Variants in ELP4 observed in about 807,000 individuals in gnomAD.
The protein encoded by ELP4 is elongator complex protein 4.
In ELP4, 51 loss-of-function variants were observed where a neutral mutation model predicts 48.9. The observed-to-expected ratio is 1.04, with a 90% CI of 0.83 to 1.32. The LOEUF is 1.32. ELP4 is among the 40% of genes most tolerant of loss of function. The probability of loss-of-function intolerance (pLI) is 0.00; values close to 1 mark genes in which losing one functional copy is unlikely to be tolerated. For synonymous variants in ELP4, 210 were observed against 189.2 expected (o/e 1.11, Z -0.90); for missense variants, 519 against 514.6 (o/e 1.01, Z -0.08).
At chr11:31,751,400 G>GA (rs1208197642) in intron 9 of ELP4, among the ~76,000 whole-genome samples, 5 of 152,066 alleles carry the variant, frequency 3.3e-5, no homozygotes. Flanking sequence ...TCTACTTTCT[G>GA]AAAAATGTGG....
intron 9 of ELP4, among the ~76,000 whole-genome samples, chr11:31,688,769 T>G (rs1332336123): frequency 1.3e-5 from 2 of 152,178 alleles, no homozygotes; most frequent in Non-Finnish European, 2.9e-5. Context: ...TATGTAGAAG[T>G]GCCTTTGAGA....
chr11:31,539,338 G>A (rs559213131), intron 2 of ELP4, among the ~76,000 whole-genome samples: 5 of 152,238 alleles, frequency 3.3e-5, no homozygotes, highest in South Asian at 4.2e-4. Context: ...GGTGGCAGGC[G>A]CCTGCTACTC....
At chr11:31,586,568 G>A (rs1228018930) in intron 3 of ELP4, among the ~76,000 whole-genome samples, 16 of 152,120 alleles carry the variant, frequency 1.1e-4, no homozygotes, top group African/African-American at 3.4e-4. Flanking sequence ...GCAAATGAAA[G>A]TATTACAAAA....
At chr11:31,693,813 T>C (rs1946335999) in intron 9 of ELP4, among the ~76,000 whole-genome samples, 1 of 152,200 alleles carries the variant, frequency 6.6e-6, no homozygotes, top group Admixed American at 6.5e-5. Context: ...CCACATCTTC[T>C]CCAGCAACTG....
intron 1 of ELP4, among the ~76,000 whole-genome samples, chr11:31,519,701 T>G (rs1388445204): frequency 6.6e-6 from 1 of 152,114 alleles, no homozygotes; most frequent in African/African-American, 2.4e-5. Context: ...AGTGGGCACC[T>G]GTAATCCCAG....
chr11:31,682,453 A>G (rs886550696), intron 9 of ELP4, among the ~76,000 whole-genome samples: 1 of 152,198 alleles, frequency 6.6e-6, no homozygotes, highest in African/African-American at 2.4e-5. Context: ...AGTTGACTTC[A>G]AATCTCACCT....
At chr11:31,540,440 A>G (rs1349249698) in intron 3 of ELP4, among the ~76,000 whole-genome samples, 1 of 152,196 alleles carries the variant, frequency 6.6e-6, no homozygotes, top group Non-Finnish European at 1.5e-5. Flanking sequence ...ACTGATTCCA[A>G]GGCACTACAG....
chr11:31,763,569 T>C, intron 9 of ELP4: 1 of 1,565,368 alleles, frequency 6.4e-7, no homozygotes, highest in East Asian at 2.3e-5. Context: ...TTCCCTTTTT[T>C]CAGCTAAAGC....
chr11:31,693,218 T>C (rs193030014), intron 9 of ELP4, among the ~76,000 whole-genome samples: 1 of 152,128 alleles, frequency 6.6e-6, no homozygotes, highest in African/African-American at 2.4e-5. Context: ...TGCAGGTTTG[T>C]TACATAGGTA....
intron 7 of ELP4, chr11:31,637,489 T>C (rs1234524183): frequency 6.6e-6 from 1 of 151,990 alleles, no homozygotes; most frequent in Non-Finnish European, 1.5e-5. Context: ...TTTAAAAACT[T>C]TGGTGTAAAT....
chr11:31,772,817 T>C (rs1948174475), intron 9 of ELP4, among the ~76,000 whole-genome samples: 1 of 152,184 alleles, frequency 6.6e-6, no homozygotes, highest in South Asian at 2.1e-4. Context: ...AAAAAAATTA[T>C]CAATCTCTGC....
intron 2 of ELP4, among the ~76,000 whole-genome samples, chr11:31,522,114 CAG>C (rs1026014657): frequency 6.6e-6 from 1 of 152,052 alleles, no homozygotes; most frequent in Non-Finnish European, 1.5e-5. Context: ...CTGTTTAAGA[CAG>C]AATTATTCCT....
intron 5 of ELP4, among the ~76,000 whole-genome samples, chr11:31,617,040 G>C (rs1355211307): frequency 1.3e-5 from 2 of 152,018 alleles, no homozygotes; most frequent in Non-Finnish European, 2.9e-5. Flanking sequence ...AAAACCGTAT[G>C]ATCCAACAAT....
rs141804066 is a variant in ELP4 at position 31,717,150 on chromosome 11, G to A, written c.1144-66243G>A. On this transcript the variant is annotated intron_variant, in intron 9 of 9. Coordinates refer to ENST00000640961, the MANE Select transcript of ELP4 (RefSeq NM_019040.5). ...GGAATCATAGATAAATGAAGGAATT[G>A]AAGGGATTTAAGAACAAGGAGTCTG... is the stretch of plus-strand genomic sequence containing the variant. 1.6e-4 allele frequency among the ~76,000 whole-genome samples: 24 copies of A among 152,326 alleles called. No individual in the cohort carries two copies. The East Asian group carries it at 4.6e-3, about 29-fold the overall frequency.
intron 9 of ELP4, among the ~76,000 whole-genome samples, chr11:31,730,426 A>G (rs1238641717): frequency 7.2e-5 from 11 of 152,176 alleles, no homozygotes; most frequent in Admixed American, 7.2e-4. Flanking sequence ...CCTAAAGGCC[A>G]CACCTCTTAA....
intron 4 of ELP4, among the ~76,000 whole-genome samples, chr11:31,596,806 TAA>T (rs1185079072): frequency 6.6e-6 from 1 of 152,034 alleles, no homozygotes; most frequent in Non-Finnish European, 1.5e-5. Context: ...ACAAATAACT[TAA>T]AATGAAAAAG....
intron 3 of ELP4, among the ~76,000 whole-genome samples, chr11:31,581,372 G>A (rs1284807915): frequency 1.3e-5 from 2 of 152,178 alleles, no homozygotes; most frequent in Non-Finnish European, 2.9e-5. Flanking sequence ...GTAGAAGGGA[G>A]GAGTGAGGTG....
chr11:31,781,885 CAAA>C (rs1178381589), intron 9 of ELP4, among the ~76,000 whole-genome samples: 2 of 152,076 alleles, frequency 1.3e-5, no homozygotes, highest in African/African-American at 4.8e-5. Flanking sequence ...TTGCTTAAAA[CAAA>C]GAAACAAATA....
rs188650355 is a variant in ELP4 at position 31,657,058 on chromosome 11, A to C, written c.1143+6837A>C. 5.9e-5 allele frequency among the ~76,000 whole-genome samples: 9 copies of C among 152,196 alleles called. No individual in the cohort carries two copies. In the East Asian group the frequency reaches 1.7e-3, roughly 29 times the overall value. On this transcript the variant is annotated intron_variant, in intron 9 of 9. Transcript: ENST00000640961. ...ACTTAAATGTATTTTTCAAGTTCCTAGAAAGTAAGAAGATACATTTTACTA... is the reference window on the plus strand; with the variant it reads ...ACTTAAATGTATTTTTCAAGTTCCTCGAAAGTAAGAAGATACATTTTACTA...
Sources: allele counts gnomAD v4.1 joint callset (sites outside exome capture counted in the v4.1 genomes callset), GRCh38; gene constraint gnomAD v4.1.1; transcripts MANE v1.5; gene names NCBI Gene and HGNC (gene_info 2026-07-23, HGNC 2026-07-21).